Variants in UBE2E2 observed in about 807,000 individuals in gnomAD.
UBE2E2 encodes ubiquitin conjugating enzyme E2 E2.
In UBE2E2, 6 loss-of-function variants were observed where a neutral mutation model predicts 24.7. The observed-to-expected ratio is 0.24, with a 90% CI of 0.13 to 0.48. The LOEUF is 0.48. Among genes scored for constraint, UBE2E2 ranks in the 20% least tolerant of loss-of-function variants. The pLI is 0.99. For missense variants in UBE2E2, 169 were observed against 245.0 expected, an observed-to-expected ratio of 0.69 and a Z score of 2.07; for synonymous variants, 104 against 83.6, an observed-to-expected ratio of 1.24 and a Z score of -1.33.
intron 3 of UBE2E2, among the ~76,000 whole-genome samples, chr3:23,445,028 T>C (rs1698395444): frequency 6.6e-6 from 1 of 152,222 alleles, no homozygotes; most frequent in Non-Finnish European, 1.5e-5. Flanking sequence ...CCATGTAATC[T>C]TATGCCAAGT....
At chr3:23,502,754 A>G (rs1575670941) in intron 4 of UBE2E2, among the ~76,000 whole-genome samples, 2 of 152,230 alleles carry the variant, frequency 1.3e-5, no homozygotes, top group East Asian at 3.8e-4. Context: ...TAGGTTGAGT[A>G]TTAGTACTTT....
At chr3:23,489,985 A>G (rs893543210) in intron 3 of UBE2E2, among the ~76,000 whole-genome samples, 17 of 152,058 alleles carry the variant, frequency 1.1e-4, no homozygotes, top group African/African-American at 3.6e-4. Flanking sequence ...CAAGGAAAGG[A>G]AGGTATAGTG....
chr3:23,215,430 G>A (rs915764707), intron 2 of UBE2E2, among the ~76,000 whole-genome samples: 4 of 152,088 alleles, frequency 2.6e-5, no homozygotes, highest in Admixed American at 6.6e-5. Flanking sequence ...AGGCACAATA[G>A]ATCAAATCTT....
Position 23,499,105 on chromosome 3 carries a change from G to A in UBE2E2, c.228-503G>A, listed in dbSNP as rs191957060. Among the ~76,000 whole-genome samples, 8 of 152,284 alleles carry A rather than the reference G, an allele frequency of 5.3e-5. 1 individual carries two copies. The East Asian group carries it at 1.3e-3, about 26-fold the overall frequency. The stretch of plus-strand genomic sequence containing the variant: ...ATCTTATCCTCTACAGACCTCATTG[G>A]TCATGATGTATGGGTCAGGAAGTCC... On this transcript the variant is annotated intron_variant, in intron 3 of 5. Transcript: ENST00000396703.
At position 23,471,054 on chromosome 3, in the gene UBE2E2, A is replaced by G. The variant is rs1384754570; in HGVS notation, c.228-28554A>G. 3.3e-5 allele frequency among the ~76,000 whole-genome samples: 5 copies of G among 152,156 alleles called. No individual in the cohort carries two copies. The East Asian group carries it at 9.6e-4, about 29-fold the overall frequency. ...GTTTGAAGTGGGGTAAAGAAAGAAA[A>G]ACAGAAGTCCACATATACACACAGA... On this transcript the variant is annotated intron_variant, in intron 3 of 5. Transcript: ENST00000396703.
chr3:23,228,535 A>T (rs772865676), intron 3 of UBE2E2, among the ~76,000 whole-genome samples: 1 of 152,134 alleles, frequency 6.6e-6, no homozygotes, highest in Non-Finnish European at 1.5e-5. Context: ...CTTTACGGTG[A>T]TTATTATGCT....
rs904520721 is a variant in UBE2E2 at position 23,208,558 on chromosome 3, T to C, written c.-8-134T>C. On this transcript the variant is annotated intron_variant, in intron 1 of 5. Transcript: ENST00000396703. ...AGTTTTAGCAACTCCCAAAGCTGCA[T>C]TGTTTTGTAAATGACCAATTTAATC... 13 of 625,414 alleles carry C rather than the reference T, an allele frequency of 2.1e-5. No individual in the cohort carries two copies. The East Asian group carries it at 4.4e-4, about 21-fold the overall frequency. 38.7% of individuals were successfully genotyped at this position (625,414 alleles called of 1,614,324 possible).
At chr3:23,355,302 C>T (rs1250012242) in intron 3 of UBE2E2, among the ~76,000 whole-genome samples, 1 of 151,928 alleles carries the variant, frequency 6.6e-6, no homozygotes, top group Admixed American at 6.6e-5. Flanking sequence ...ATGGGTGCAG[C>T]ACACCAGCAT....
chr3:23,590,491 C>T lies in UBE2E2; in HGVS notation c.*660C>T, dbSNP rs978478565. On this transcript the variant is annotated 3_prime_UTR_variant, in exon 6 of 6. Transcript: ENST00000396703. ...ATTTACTTAAAGTGCTTGTAAATTT[C>T]TTAGGGACCTGCCACTTTTGACTGT... 1 of 152,552 alleles carries T rather than the reference C, an allele frequency of 6.6e-6. No homozygotes were observed. The highest frequency in any genetic ancestry group is 1.5e-5 in the Non-Finnish European group (1 of 68,018). 9.4% of individuals were successfully genotyped at this position (152,552 alleles called of 1,614,324 possible). A position where few individuals can be genotyped will look rare whatever the true frequency, so the allele number is the denominator to read the frequency against.
intron 4 of UBE2E2, among the ~76,000 whole-genome samples, chr3:23,518,872 G>T (rs1297894055): frequency 6.6e-6 from 1 of 152,074 alleles, no homozygotes; most frequent in African/African-American, 2.4e-5. Context: ...CAAAGAAAAT[G>T]GTATTAATCA....
chr3:23,334,317 G>C (rs1000837515), intron 3 of UBE2E2, among the ~76,000 whole-genome samples: 1 of 150,824 alleles, frequency 6.6e-6, no homozygotes, highest in Admixed American at 6.6e-5. Context: ...TTTTTTTTGA[G>C]ATTATGAGAA....
At chr3:23,296,196 C>T (rs780124704) in intron 3 of UBE2E2, among the ~76,000 whole-genome samples, 12 of 152,126 alleles carry the variant, frequency 7.9e-5, no homozygotes, top group Non-Finnish European at 1.8e-4. Flanking sequence ...CATTCTAAAA[C>T]TCATGATCTT....
At chr3:23,465,319 C>G (rs1698898733) in intron 3 of UBE2E2, among the ~76,000 whole-genome samples, 1 of 152,138 alleles carries the variant, frequency 6.6e-6, no homozygotes, top group African/African-American at 2.4e-5. Context: ...GCTCTCCTGG[C>G]CCCCAAAGTA....
intron 3 of UBE2E2, among the ~76,000 whole-genome samples, chr3:23,459,428 A>G (rs181434775): frequency 6.6e-6 from 1 of 152,232 alleles, no homozygotes; most frequent in Non-Finnish European, 1.5e-5. Flanking sequence ...GTTATTAAAA[A>G]CTGCTTTTTT....
At chr3:23,505,008 C>T (rs541431348) in intron 4 of UBE2E2, among the ~76,000 whole-genome samples, 19 of 149,420 alleles carry the variant, frequency 1.3e-4, no homozygotes, top group African/African-American at 4.2e-4. Context: ...CAGTCTCAAG[C>T]GATCCTTTCA....
At chr3:23,342,883 C>T (rs1185784272) in intron 3 of UBE2E2, among the ~76,000 whole-genome samples, 2 of 151,880 alleles carry the variant, frequency 1.3e-5, no homozygotes, top group South Asian at 2.1e-4. Flanking sequence ...CTATTGAAAC[C>T]ATTCTTAAAG....
intron 3 of UBE2E2, among the ~76,000 whole-genome samples, chr3:23,346,742 C>T (rs919783261): frequency 5.3e-5 from 8 of 152,100 alleles, no homozygotes; most frequent in African/African-American, 1.9e-4. Flanking sequence ...GTTCCTTTTA[C>T]TTTTCTACTC....
At chr3:23,508,134 C>T (rs142836686) in intron 4 of UBE2E2, among the ~76,000 whole-genome samples, 4 of 152,146 alleles carry the variant, frequency 2.6e-5, no homozygotes, top group African/African-American at 9.7e-5. Context: ...TTTTGATAAA[C>T]TTTTAATAAT....
intron 4 of UBE2E2, 85 bp downstream of exon 4, chr3:23,499,825 G>T: frequency 7.1e-7 from 1 of 1,414,178 alleles, no homozygotes. Flanking sequence ...GCATTCTAGG[G>T]ATGCATGTCT....
Sources: gnomAD v4.1 joint callset for allele counts (sites outside exome capture counted in the v4.1 genomes callset) on GRCh38, gnomAD v4.1.1 for gene constraint, MANE v1.5 for transcripts, NCBI Gene and HGNC (gene_info 2026-07-23, HGNC 2026-07-21) for gene names.